GULP1: variants seen among roughly 807,000 people sequenced by gnomAD.
GULP1 encodes GULP PTB domain containing engulfment adaptor 1.
A neutral mutation model predicts 40.9 loss-of-function variants in GULP1; 19 were observed. The ratio of observed to expected loss-of-function variants is 0.46; its 90% CI spans 0.32 to 0.68. The LOEUF (loss-of-function observed/expected upper bound fraction) is 0.68. GULP1 is among the 30% of genes least tolerant of loss of function. The pLI is 0.03. For synonymous variants in GULP1, 119 were observed against 117.6 expected (o/e 1.01, Z -0.08); for missense variants, 312 against 362.2 (o/e 0.86, Z 1.12).
chr2:188,465,146 T>A (rs757911014), intron 2 of GULP1, among the ~76,000 whole-genome samples: 1 of 151,820 alleles, frequency 6.6e-6, no homozygotes, highest in Non-Finnish European at 1.5e-5. Context: ...AGTCTCAGAG[T>A]CTCACTCAAT....
chr2:188,429,637 TG>T (rs759309966), intron 2 of GULP1, among the ~76,000 whole-genome samples: 5 of 152,166 alleles, frequency 3.3e-5, no homozygotes, highest in Non-Finnish European at 7.4e-5. Flanking sequence ...ACCCTGGAGC[TG>T]GAGAGAATTT....
chr2:188,560,004 G>A (rs1159811087), intron 7 of GULP1, among the ~76,000 whole-genome samples: 2 of 152,160 alleles, frequency 1.3e-5, no homozygotes, highest in African/African-American at 4.8e-5. Flanking sequence ...CCCCAGCCAT[G>A]TTGAACTGTA....
chr2:188,573,828 T>C (rs1699627285), intron 9 of GULP1, among the ~76,000 whole-genome samples: 1 of 152,198 alleles, frequency 6.6e-6, no homozygotes, highest in African/African-American at 2.4e-5. Flanking sequence ...GTGTATGCAA[T>C]TAATTTAGCA....
At chr2:188,439,007 G>A (rs56110119) in intron 2 of GULP1, among the ~76,000 whole-genome samples, 5 of 151,864 alleles carry the variant, frequency 3.3e-5, no homozygotes, top group African/African-American at 1.2e-4. Context: ...TGAATTGTTT[G>A]TTAAATTAGG....
chr2:188,442,896 T>C (rs1039195925), intron 2 of GULP1, among the ~76,000 whole-genome samples: 26 of 152,304 alleles, frequency 1.7e-4, no homozygotes, highest in African/African-American at 6.0e-4. Flanking sequence ...TAGCTTTCCC[T>C]GTCTGAAAAA....
chr2:188,572,113 G>A (rs1325956095), intron 9 of GULP1, among the ~76,000 whole-genome samples: 1 of 152,200 alleles, frequency 6.6e-6, no homozygotes, highest in East Asian at 1.9e-4. Context: ...GGGTTACTGA[G>A]TCAGCTTCAG....
rs191309473 is a variant in GULP1 at position 188,444,865 on chromosome 2, C to T, written c.-44-32794C>T. ...TCCTATACTTTCACCTAAACACTGG[C>T]AGTGACATGGTTTTACCAAATGTAT... On this transcript the variant is annotated intron_variant, in intron 2 of 11. Transcript: ENST00000409830. Among the ~76,000 whole-genome samples, 10 of 152,238 alleles carry T rather than the reference C, an allele frequency of 6.6e-5. No individual in the cohort carries two copies. The East Asian group carries it at 1.9e-3, about 29-fold the overall frequency.
intron 1 of GULP1, among the ~76,000 whole-genome samples, chr2:188,307,800 TG>T (rs1212494641): frequency 6.6e-6 from 1 of 152,214 alleles, no homozygotes; most frequent in African/African-American, 2.4e-5. Context: ...TTTACTGATA[TG>T]GGAGCAGGAA....
intron 7 of GULP1, among the ~76,000 whole-genome samples, chr2:188,557,018 T>A (rs1694939757): frequency 6.6e-6 from 1 of 150,606 alleles, no homozygotes; most frequent in South Asian, 2.1e-4. Context: ...AGCAAGACTC[T>A]GTCTCAAAAA....
At chr2:188,403,161 C>A (rs1272194140) in intron 2 of GULP1, among the ~76,000 whole-genome samples, 1 of 152,108 alleles carries the variant, frequency 6.6e-6, no homozygotes, top group Non-Finnish European at 1.5e-5. Flanking sequence ...CATATTTAAT[C>A]TTCTCCTACA....
intron 2 of GULP1, among the ~76,000 whole-genome samples, chr2:188,463,190 G>T (rs891767603): frequency 2.0e-5 from 3 of 152,024 alleles, no homozygotes; most frequent in Non-Finnish European, 4.4e-5. Context: ...AGCATTTCTT[G>T]TGGGAAAGGT....
At chr2:188,323,562 A>G (rs1574411425) in intron 1 of GULP1, among the ~76,000 whole-genome samples, 2 of 152,020 alleles carry the variant, frequency 1.3e-5, no homozygotes, top group Non-Finnish European at 2.9e-5. Flanking sequence ...CCACAGAGAA[A>G]TCACTTCCTT....
intron 7 of GULP1, among the ~76,000 whole-genome samples, chr2:188,557,233 C>A (rs1235163861): frequency 1.3e-5 from 2 of 152,154 alleles, no homozygotes; most frequent in African/African-American, 4.8e-5. Context: ...AAAGTCTTAA[C>A]TTGTTTTGGC....
At chr2:188,482,747 A>G (rs1330360949) in intron 3 of GULP1, among the ~76,000 whole-genome samples, 1 of 151,372 alleles carries the variant, frequency 6.6e-6, no homozygotes, top group Non-Finnish European at 1.5e-5. Context: ...CTTTTAATAT[A>G]TTCTATCCTT....
At chr2:188,560,421 T>G (rs1309521733) in intron 7 of GULP1, among the ~76,000 whole-genome samples, 1 of 152,220 alleles carries the variant, frequency 6.6e-6, no homozygotes, top group Non-Finnish European at 1.5e-5. Context: ...ACTATTGGCA[T>G]TTTGGTCATA....
chr2:188,515,702 C>A (rs1409005333), intron 4 of GULP1, among the ~76,000 whole-genome samples: 1 of 141,518 alleles, frequency 7.1e-6, no homozygotes, highest in Non-Finnish European at 1.5e-5. Context: ...CACTTACACA[C>A]ACAGACACAC....
chr2:188,457,797 G>A (rs149508247), intron 2 of GULP1, among the ~76,000 whole-genome samples: 291 of 152,212 alleles, frequency 1.9e-3, no homozygotes, highest in African/African-American at 6.7e-3. Flanking sequence ...TTCTACTTAA[G>A]CAAACAATAT....
intron 1 of GULP1, among the ~76,000 whole-genome samples, chr2:188,298,480 G>A (rs934286850): frequency 1.3e-5 from 2 of 151,968 alleles, no homozygotes; most frequent in African/African-American, 4.8e-5. Flanking sequence ...ATATGAAATG[G>A]CAAAAGTCTA....
intron 2 of GULP1, among the ~76,000 whole-genome samples, chr2:188,397,129 GTTTCT>G (rs2051393133): frequency 6.6e-6 from 1 of 152,118 alleles, no homozygotes; most frequent in African/African-American, 2.4e-5. Flanking sequence ...TTCTTGTTAA[GTTTCT>G]ACCTTGCTTC....
Sources: allele counts gnomAD v4.1 joint callset (sites outside exome capture counted in the v4.1 genomes callset), GRCh38; gene constraint gnomAD v4.1.1; transcripts MANE v1.5; gene names NCBI Gene and HGNC (gene_info 2026-07-23, HGNC 2026-07-21).